ERG: variants seen among roughly 807,000 people sequenced by gnomAD.
The protein encoded by ERG is transcriptional regulator ERG.
Under a neutral mutation model 55.3 loss-of-function variants are expected in ERG, and 9 were observed. The observed-to-expected ratio is 0.16, with a 90% confidence interval of 0.10 to 0.28. ERG has a LOEUF of 0.28. ERG is among the 10% of genes least tolerant of loss of function. ERG has a pLI of 1.00. For missense variants in ERG, 434 were observed against 631.6 expected (o/e 0.69, Z 3.35); for synonymous variants, 223 against 237.3 (o/e 0.94, Z 0.55).
intron 2 of ERG, among the ~76,000 whole-genome samples, chr21:38,519,685 C>G (rs1387618929): frequency 6.6e-6 from 1 of 152,194 alleles, no homozygotes. Context: ...AAAGTCGGCA[C>G]ATCTACTGTC....
intron 2 of ERG, among the ~76,000 whole-genome samples, chr21:38,520,403 C>T (rs2059585712): frequency 6.6e-6 from 1 of 152,174 alleles, no homozygotes; most frequent in Admixed American, 6.5e-5. Context: ...TTTGAACTCA[C>T]AAGTTCAGGG....
chr21:38,620,543 G>T (rs964797067), intron 1 of ERG, among the ~76,000 whole-genome samples: 1 of 152,124 alleles, frequency 6.6e-6, no homozygotes, highest in Non-Finnish European at 1.5e-5. Context: ...GTAAGGAATG[G>T]AATTTTTAAT....
At position 38,638,395 on chromosome 21, in the gene ERG, G is replaced by A. The variant is rs1218261877; in HGVS notation, c.-150+23263C>T. 2.0e-5 allele frequency among the ~76,000 whole-genome samples: 3 copies of A among 152,264 alleles called. No individual in the cohort carries two copies. In the East Asian group the frequency reaches 5.8e-4, roughly 29 times the overall value. ...TCCTCACTTACAACTACTGCACCCCGTGGTAGAATGCAGCACTCATCCAAC... is the reference window on the plus strand; with the variant it reads ...TCCTCACTTACAACTACTGCACCCCATGGTAGAATGCAGCACTCATCCAAC... On this transcript the variant is annotated intron_variant, in intron 1 of 10. Transcript: ENST00000398910.
chr21:38,440,951 T>C (rs1313473725), intron 2 of ERG, among the ~76,000 whole-genome samples: 1 of 152,136 alleles, frequency 6.6e-6, no homozygotes, highest in East Asian at 1.9e-4. Context: ...CCCATTCCCC[T>C]TCAGGAAGCC....
chr21:38,594,335 C>T (rs531582775), intron 1 of ERG, among the ~76,000 whole-genome samples: 43 of 152,154 alleles, frequency 2.8e-4, no homozygotes, highest in Non-Finnish European at 5.7e-4. Context: ...CATGCTTCCC[C>T]GACACTCAGG....
chr21:38,529,234 T>G (rs1293715594), intron 2 of ERG, among the ~76,000 whole-genome samples: 1 of 152,138 alleles, frequency 6.6e-6, no homozygotes, highest in Non-Finnish European at 1.5e-5. Flanking sequence ...AGGAAAACAC[T>G]CTGACTTCTG....
chr21:38,421,407 G>C (rs1989537044), intron 3 of ERG, among the ~76,000 whole-genome samples: 1 of 152,162 alleles, frequency 6.6e-6, no homozygotes, highest in South Asian at 2.1e-4. Context: ...AAGTCACATG[G>C]TGACAGATCT....
intron 2 of ERG, among the ~76,000 whole-genome samples, chr21:38,559,398 T>C (rs1187680533): frequency 6.8e-6 from 1 of 147,718 alleles, no homozygotes; most frequent in Non-Finnish European, 1.5e-5. Context: ...TTTTTTTTTT[T>C]TTTTTTTTGA....
At chr21:38,445,129 T>C (rs1228736565) in intron 2 of ERG, among the ~76,000 whole-genome samples, 1 of 143,158 alleles carries the variant, frequency 7.0e-6, no homozygotes, top group East Asian at 2.0e-4. Flanking sequence ...TCTTTCTTTC[T>C]TTCTTCTTCT....
chr21:38,420,299 T>C (rs913429664), intron 3 of ERG, among the ~76,000 whole-genome samples: 2 of 112,086 alleles, frequency 1.8e-5, no homozygotes, highest in African/African-American at 8.8e-5. Flanking sequence ...TGTGTGTGTG[T>C]GTGCGTGTGT....
At chr21:38,400,474 G>T in intron 6 of ERG, 100 bp downstream of exon 6, 1 of 942,464 alleles carries the variant, frequency 1.1e-6, no homozygotes, top group South Asian at 1.3e-5. Context: ...CTTCAGCTCC[G>T]GGATCAGCTC....
intron 2 of ERG, among the ~76,000 whole-genome samples, chr21:38,563,493 G>A (rs981590258): frequency 6.6e-6 from 1 of 152,208 alleles, no homozygotes; most frequent in Non-Finnish European, 1.5e-5. Context: ...CTATGAAAGC[G>A]CAGACACATG....
chr21:38,589,008 G>C (rs922941089), upstream of ERG, among the ~76,000 whole-genome samples: 2 of 152,154 alleles, frequency 1.3e-5, no homozygotes, highest in Non-Finnish European at 2.9e-5. Flanking sequence ...TTGGATTAGA[G>C]GGGTGAGCTA....
intron 1 of ERG, among the ~76,000 whole-genome samples, chr21:38,622,784 C>T (rs899802517): frequency 6.1e-5 from 9 of 148,436 alleles, no homozygotes; most frequent in Non-Finnish European, 1.2e-4. Context: ...ACATCACATA[C>T]ACACCATACC....
At chr21:38,447,980 TAACA>T (rs1465459199) in intron 1 of ERG, among the ~76,000 whole-genome samples, 1 of 149,664 alleles carries the variant, frequency 6.7e-6, no homozygotes, top group African/African-American at 2.5e-5. Flanking sequence ...GCTGCAACAA[TAACA>T]AACAAGCAAT....
intron 2 of ERG, among the ~76,000 whole-genome samples, chr21:38,558,799 C>T (rs1281008167): frequency 2.0e-5 from 3 of 152,066 alleles, no homozygotes; most frequent in Non-Finnish European, 4.4e-5. Context: ...GAACCAAAAA[C>T]ACTTAAAAGC....
Position 38,567,938 on chromosome 21 carries a change from G to A in ERG, c.-41+7724C>T, listed in dbSNP as rs192271040. Among the ~76,000 whole-genome samples, 191 of 152,266 alleles carry A rather than the reference G, an allele frequency of 1.3e-3. 2 individuals carry two copies. Among genetic ancestry groups the A allele is most frequent in the African/African-American group, 4.3e-3 (180 of 41,538 alleles). ...TTCTGAAACTGTTTTAGACTCTTCC[G>A]TCTATGAAACAGACACAGAGTTTAA... On this transcript the variant is annotated intron_variant, in intron 2 of 8. Transcript: ENST00000398897.
At chr21:38,376,038 C>A (rs1346621771), downstream of ERG, among the ~76,000 whole-genome samples, 1 of 152,208 alleles carries the variant, frequency 6.6e-6, no homozygotes, top group Non-Finnish European at 1.5e-5. Context: ...ATGATCTTAA[C>A]AAGTACTCAG....
At chr21:38,433,425 C>CA (rs962078750) in intron 2 of ERG, among the ~76,000 whole-genome samples, 16 of 150,452 alleles carry the variant, frequency 1.1e-4, no homozygotes, top group Non-Finnish European at 1.5e-4. Flanking sequence ...ACCCCTTAAA[C>CA]AAAAAAAAAG....
Sources: allele counts gnomAD v4.1 joint callset (sites outside exome capture counted in the v4.1 genomes callset), GRCh38; gene constraint gnomAD v4.1.1; transcripts MANE v1.5; gene names NCBI Gene and HGNC (gene_info 2026-07-23, HGNC 2026-07-21).